The following BNIPL variants were observed in gnomAD, a reference collection of about 807,000 sequenced individuals.
BNIPL encodes BCL2 interacting protein like, also known as bcl-2/adenovirus E1B 19 kDa-interacting protein 2-like protein.
Under a neutral mutation model 47.0 loss-of-function variants are expected in BNIPL, and 33 were observed. That is an observed-to-expected ratio of 0.70 (90% CI 0.53 to 0.94). BNIPL has a LOEUF of 0.94. Ranked by LOEUF, BNIPL falls within the 40% of genes least tolerant of loss-of-function variation. BNIPL has a pLI of 0.00. For missense variants in BNIPL, 404 were observed against 445.2 expected (o/e 0.91, Z 0.83); for synonymous variants, 145 against 162.7 (o/e 0.89, Z 0.83).
intron 4 of BNIPL, among the ~76,000 whole-genome samples, chr1:151,039,817 A>T (rs1176304697): frequency 6.6e-6 from 1 of 152,046 alleles, no homozygotes; most frequent in African/African-American, 2.4e-5. Flanking sequence ...GTGGTGTGAT[A>T]TAGGCTTACT....
rs371551535 is a variant in BNIPL at position 151,043,726 on chromosome 1, C to T, written c.850C>T (p.Arg284Trp). 8.7e-5 allele frequency: 141 copies of T among 1,612,900 alleles called. 1 individual carries two copies. In the African/African-American group the frequency reaches 1.3e-3, roughly 15 times the overall value. ...IRQCYRTLDRRLRKNLRALVV... is the reference protein window; with the variant it reads ...IRQCYRTLDRWLRKNLRALVV... ...TCAGTGTTACCGTACCCTGGATCGGCGGTGAGACCTGGGATGAGAGGGCTA... is the reference window on the plus strand; with the variant it reads ...TCAGTGTTACCGTACCCTGGATCGGTGGTGAGACCTGGGATGAGAGGGCTA... The change falls in exon 7 of 10, where the codon CGG becomes TGG. Residue 284 changes from arginine (R) to tryptophan (W), a missense_variant and splice_region_variant. Physicochemically the swap from Arg to Trp is moderately radical, Grantham distance 101 (BLOSUM62 -3). Transcript: ENST00000368931.
At position 151,038,965 on chromosome 1, in the gene BNIPL, C is replaced by G. The variant is rs144241818; in HGVS notation, c.372C>G (p.Asp124Glu). The change falls in exon 4 of 10, where the codon GAC (aspartate) becomes GAG (glutamate). Residue 124 changes from aspartate (D) to glutamate (E), a missense_variant. Transcript: ENST00000368931. The part of the protein sequence containing the change: ...SPDGSSDLEI[D>E]ELETPSDSEQ... ...ATGGCAGTTCTGACCTGGAGATAGA[C>G]GAATTGGAGACACCTTCAGACTCGG... 1 of 1,611,886 alleles carries G rather than the reference C, an allele frequency of 6.2e-7. No homozygotes were observed. The highest frequency in any genetic ancestry group is 8.5e-7 in the Non-Finnish European group (1 of 1,179,180).
chr1:151,042,979 C>A lies in BNIPL; in HGVS notation c.457C>A (p.Leu153Met), dbSNP rs1231942955. ...AGATGAACTACCCCGGGCAGAGGGT[C>A]TGGGCACCAGTGAGACAGCTGAAAG... ...WEDELPRAEG[L>M]GTSETAERLG... The change falls in exon 5 of 10, where the codon CTG becomes ATG. Residue 153 changes from leucine to methionine, a missense_variant. By Grantham distance (15) the Leu-to-Met change is conservative (BLOSUM62 2). Coordinates refer to ENST00000368931, the MANE Select transcript of BNIPL (RefSeq NM_138278.4). 6.9e-6 allele frequency: 11 copies of A among 1,597,072 alleles called. No homozygotes were observed. The highest frequency in any genetic ancestry group is 9.4e-6 in the Non-Finnish European group (11 of 1,175,394).
chr1:151,045,654 G>A, intron 7 of BNIPL, 143 bp from the exon 8 acceptor site: 2 of 1,426,622 alleles, frequency 1.4e-6, no homozygotes, highest in Non-Finnish European at 1.9e-6. Context: ...ACAGCTGACG[G>A]AATGGGGATT....
In BNIPL at chr1:151,047,666, A is replaced by G. The variant is rs960514054; in HGVS notation, c.*979A>G. The G allele has an allele frequency of 1.0e-6, 1 of 979,080 alleles. No individual in the cohort carries two copies. The highest frequency in any genetic ancestry group is 1.4e-6 in the Non-Finnish European group (1 of 700,886). 60.6% of individuals were successfully genotyped at this position (979,080 alleles called of 1,614,324 possible). On this transcript the variant is annotated 3_prime_UTR_variant, in exon 10 of 10. Transcript: ENST00000368931. ...TCGGTTCTGGCAGAGTTCTTGCCGC[A>G]GAGGTTCCTTAGGAGCACCCCGCGC... is the stretch of plus-strand genomic sequence containing the variant.
chr1:151,043,452 AAGGGCTACAGGGCAGTGTT>A lies in BNIPL; in HGVS notation c.719+23_719+41del. On this transcript the variant is annotated intron_variant, in intron 6 of 9. Coordinates refer to ENST00000368931, the MANE Select transcript of BNIPL (RefSeq NM_138278.4). ...TTGTTTAGGTGAGGTGGAAGGCCTG[AAGGGCTACAGGGCAGTGTT>A]AGGGAGGGAAAAGTAAAAAAGAACT... The A allele has an allele frequency of 6.3e-7, 1 of 1,575,566 alleles. No individual in the cohort carries two copies. The highest frequency in any genetic ancestry group is 1.7e-5 in the Admixed American group (1 of 59,964).
intron 4 of BNIPL, among the ~76,000 whole-genome samples, chr1:151,042,269 T>C (rs1675851519): frequency 6.6e-6 from 1 of 151,770 alleles, no homozygotes. Context: ...GTTTTGTAAT[T>C]TGTAATTTTA....
chr1:151,037,210 C>T, intron 1 of BNIPL: 1 of 472,088 alleles, frequency 2.1e-6, no homozygotes, highest in Non-Finnish European at 3.0e-6. Context: ...GAAAGGCAGG[C>T]CTAACTAGGT....
intron 7 of BNIPL, 139 bp from the exon 8 acceptor site, chr1:151,045,658 G>A: frequency 1.4e-6 from 2 of 1,435,442 alleles, no homozygotes; most frequent in Admixed American, 2.5e-5. Context: ...CTGACGGAAT[G>A]GGGATTAGAC....
Position 151,038,547 on chromosome 1 carries a change from C to A in BNIPL, c.181C>A (p.Pro61Thr). The change falls in exon 3 of 10, where the codon CCT becomes ACT. Residue 61 changes from proline (P) to threonine (T), a missense_variant. Pro to Thr is a conservative substitution (Grantham distance 38). Transcript: ENST00000368931. ...TGGCACTTCTGAAGATCCTGAAGAC[C>A]CTAAAGGAGATTCACAGGCAGGTAG... ...EAGTSEDPED[P>T]KGDSQAAAGT... 6.2e-7 allele frequency: 1 copy of A among 1,613,710 alleles called. No individual in the cohort carries two copies. The highest frequency in any genetic ancestry group is 2.2e-5 in the East Asian group (1 of 44,874).
intron 1 of BNIPL, 200 bp from the exon 2 acceptor site, chr1:151,037,367 G>A (rs145243876): frequency 2.4e-5 from 31 of 1,304,780 alleles, no homozygotes; most frequent in Non-Finnish European, 2.5e-5. Flanking sequence ...TCCATCTTTC[G>A]TCTGCTCCCA....
chr1:151,036,811 A>G, intron 1 of BNIPL, 45 bp downstream of exon 1: 2 of 1,555,354 alleles, frequency 1.3e-6, no homozygotes, highest in Non-Finnish European at 1.8e-6. Context: ...GTGAATAAAC[A>G]GTCCGGAGAG....
intron 7 of BNIPL, among the ~76,000 whole-genome samples, chr1:151,044,080 G>C (rs1035886597): frequency 1.3e-5 from 2 of 152,174 alleles, no homozygotes; most frequent in African/African-American, 4.8e-5. Flanking sequence ...TGCCTGCCAG[G>C]CTCAAGCGAT....
At chr1:151,042,728 C>G (rs587672129) in intron 4 of BNIPL, among the ~76,000 whole-genome samples, 1 of 151,694 alleles carries the variant, frequency 6.6e-6, no homozygotes, top group Non-Finnish European at 1.5e-5. Context: ...GCTAGAGAAT[C>G]GCTTGAGCCC....
chr1:151,047,399 C>T lies in BNIPL; in HGVS notation c.*712C>T. 1 of 161,346 alleles carries T rather than the reference C, an allele frequency of 6.2e-6. No individual in the cohort carries two copies. The highest frequency in any genetic ancestry group is 6.2e-5 in the Admixed American group (1 of 16,130). The allele number at this position is 161,346 out of a possible 1,614,324, so 10.0% of individuals were successfully genotyped here. On this transcript the variant is annotated 3_prime_UTR_variant, in exon 10 of 10. Transcript: ENST00000368931. The stretch of plus-strand genomic sequence containing the variant: ...GGATGGAAGAGGCTTACCTGACAGC[C>T]AGCCTGCCTGCTGGGAGCCAGGAGA...
Position 151,046,053 on chromosome 1 carries a change from TTC to T in BNIPL, c.939-8_939-7del, listed in dbSNP as rs780261545. On this transcript the variant is annotated splice_polypyrimidine_tract_variant and intron_variant, in intron 8 of 9. Coordinates refer to ENST00000368931, the MANE Select transcript of BNIPL (RefSeq NM_138278.4). Reference sequence around the variant, plus strand: ...CCCAATACAAAACACAGTTGATTTATTCTCTCTTTTCAGTTCCAAATTCACAC... The same window carrying T: ...CCCAATACAAAACACAGTTGATTTATTCTCTTTTCAGTTCCAAATTCACAC... 29 of 1,614,200 alleles carry T rather than the reference TTC, an allele frequency of 1.8e-5. No homozygotes were observed. In the East Asian group the frequency reaches 3.8e-4, roughly 21 times the overall value.
Position 151,046,646 on chromosome 1 carries a change from C to T in BNIPL, c.1038-5C>T, listed in dbSNP as rs746988182. 33 of 1,606,080 alleles carry T rather than the reference C, an allele frequency of 2.1e-5. No homozygotes were observed. In the South Asian group the frequency reaches 3.4e-4, roughly 17 times the overall value. ...ACTTCTCTCCTCCCCCTCTCCCTCT[C>T]CTAGGCTGGACCGGGATCTCCATGG... On this transcript the variant is annotated splice_polypyrimidine_tract_variant and splice_region_variant and intron_variant, in intron 9 of 9. Coordinates refer to ENST00000368931, the MANE Select transcript of BNIPL (RefSeq NM_138278.4).
At chr1:151,046,241 G>A in intron 9 of BNIPL, 76 bp downstream of exon 9, 3 of 1,562,944 alleles carry the variant, frequency 1.9e-6, no homozygotes, top group Admixed American at 2.0e-5. Context: ...ATGCCTTGGG[G>A]GACATACAAA....
intron 9 of BNIPL, 56 bp from the exon 10 acceptor site, chr1:151,046,595 A>T: frequency 6.7e-7 from 1 of 1,491,428 alleles, no homozygotes; most frequent in South Asian, 1.2e-5. Context: ...ACCAGAAAAT[A>T]AAACCCAAGT....
Sources: gnomAD v4.1 joint callset for allele counts (sites outside exome capture counted in the v4.1 genomes callset) on GRCh38, gnomAD v4.1.1 for gene constraint, MANE v1.5 for transcripts, NCBI Gene and HGNC (gene_info 2026-07-23, HGNC 2026-07-21) for gene names.